Variants in GALNT14 observed in about 807,000 individuals in gnomAD.
GALNT14 encodes UDP-GalNAc:polypeptide N-acetylgalactosaminyltransferase 14.
In GALNT14, 60 loss-of-function variants were observed where a neutral mutation model predicts 77.5. The observed-to-expected ratio is 0.77, with a 90% CI of 0.63 to 0.96. The LOEUF is 0.96. Ranked by LOEUF, GALNT14 falls within the 40% of genes least tolerant of loss-of-function variation. The probability of loss-of-function intolerance (pLI) is 0.00; values close to 1 mark genes in which losing one functional copy is unlikely to be tolerated. For missense variants in GALNT14, 710 were observed against 731.0 expected (o/e 0.97, Z 0.33); for synonymous variants, 280 against 281.7 (o/e 0.99, Z 0.06).
chr2:30,916,254 T>C (rs1031213959), intron 13 of GALNT14, among the ~76,000 whole-genome samples: 4 of 152,268 alleles, frequency 2.6e-5, no homozygotes, highest in African/African-American at 9.6e-5. Context: ...ATATAAGCTC[T>C]GAAAAACTTT....
intron 2 of GALNT14, among the ~76,000 whole-genome samples, chr2:30,967,241 G>T (rs1668066724): frequency 6.6e-6 from 1 of 152,166 alleles, no homozygotes; most frequent in African/African-American, 2.4e-5. Context: ...TGAGCCCTCT[G>T]AAATTGTTTG....
At chr2:31,100,349 A>T (rs1677205019) in intron 1 of GALNT14, among the ~76,000 whole-genome samples, 1 of 152,092 alleles carries the variant, frequency 6.6e-6, no homozygotes, top group African/African-American at 2.4e-5. Context: ...AATGTTGAGG[A>T]CTTACTGTAT....
intron 1 of GALNT14, chr2:31,079,012 T>G: frequency 4.7e-6 from 6 of 1,287,838 alleles, no homozygotes; most frequent in Non-Finnish European, 6.1e-6. Flanking sequence ...CTGCTGAAAT[T>G]GCATTCAGAA....
chr2:31,080,717 G>T lies in GALNT14; in HGVS notation c.129+57241C>A, dbSNP rs1028093653. 2.0e-5 allele frequency among the ~76,000 whole-genome samples: 3 copies of T among 152,286 alleles called. No individual in the cohort carries two copies. In the East Asian group the frequency reaches 5.8e-4, roughly 29 times the overall value. ...AGTCACTTCATTTTTACATGAAAGGGTTAGTTTGAGGATGGAACTTGGAAA... is the reference window on the plus strand; with the variant it reads ...AGTCACTTCATTTTTACATGAAAGGTTTAGTTTGAGGATGGAACTTGGAAA... On this transcript the variant is annotated intron_variant, in intron 1 of 14. Transcript: ENST00000349752.
At chr2:31,103,336 T>C (rs1054617453) in intron 1 of GALNT14, among the ~76,000 whole-genome samples, 3 of 151,964 alleles carry the variant, frequency 2.0e-5, no homozygotes, top group Non-Finnish European at 2.9e-5. Flanking sequence ...CAAGCAAAGA[T>C]AAAGTTGGTG....
chr2:31,010,200 C>G (rs1324358956), intron 1 of GALNT14, among the ~76,000 whole-genome samples: 1 of 152,182 alleles, frequency 6.6e-6, no homozygotes, highest in Non-Finnish European at 1.5e-5. Context: ...GTTGGTCAGC[C>G]TGGTCTCAAA....
At chr2:31,107,055 C>T (rs1677594490) in intron 1 of GALNT14, among the ~76,000 whole-genome samples, 1 of 152,170 alleles carries the variant, frequency 6.6e-6, no homozygotes, top group Non-Finnish European at 1.5e-5. Flanking sequence ...TATTTGTGTG[C>T]TTTCCTGTAT....
At position 30,955,896 on chromosome 2, in the gene GALNT14, A is replaced by G; in HGVS notation, c.532+16T>C. On this transcript the variant is annotated intron_variant, in intron 5 of 14. Coordinates refer to ENST00000349752, the MANE Select transcript of GALNT14 (RefSeq NM_024572.4). ...ACACTCACACTGGAGGCTCCCGCACAACAGCTCAGACCTACCTTGCCGTTC... is the reference window on the plus strand; with the variant it reads ...ACACTCACACTGGAGGCTCCCGCACGACAGCTCAGACCTACCTTGCCGTTC... 6.2e-7 allele frequency: 1 copy of G among 1,613,704 alleles called. No homozygotes were observed.
intron 1 of GALNT14, among the ~76,000 whole-genome samples, chr2:31,001,690 A>G (rs1670378112): frequency 6.6e-6 from 1 of 152,180 alleles, no homozygotes; most frequent in East Asian, 1.9e-4. Flanking sequence ...CTACAATGTA[A>G]GAATCAGTGG....
chr2:31,116,888 A>G (rs1279946988), intron 1 of GALNT14, among the ~76,000 whole-genome samples: 1 of 152,090 alleles, frequency 6.6e-6, no homozygotes, highest in Non-Finnish European at 1.5e-5. Flanking sequence ...AAAATACAAA[A>G]TTAGCCAGGT....
chr2:30,986,823 T>A (rs1669327888), intron 2 of GALNT14: 1 of 152,184 alleles, frequency 6.6e-6, no homozygotes, highest in Non-Finnish European at 1.5e-5. Context: ...CTCACAGGAC[T>A]TAAGCAGTGA....
chr2:30,925,561 G>A (rs1415339138), intron 11 of GALNT14, among the ~76,000 whole-genome samples: 1 of 152,192 alleles, frequency 6.6e-6, no homozygotes, highest in East Asian at 1.9e-4. Context: ...TAGAGGCAGT[G>A]GGGAGAGCAA....
intron 1 of GALNT14, among the ~76,000 whole-genome samples, chr2:31,027,135 T>C (rs1672109369): frequency 6.6e-6 from 1 of 152,180 alleles, no homozygotes; most frequent in African/African-American, 2.4e-5. Flanking sequence ...TGCATGAGTG[T>C]TAAAAACAGG....
intron 1 of GALNT14, among the ~76,000 whole-genome samples, chr2:31,022,404 T>C (rs1488329174): frequency 1.3e-5 from 2 of 152,200 alleles, no homozygotes; most frequent in African/African-American, 4.8e-5. Context: ...GGGCTGAGTA[T>C]TATGGACCTT....
chr2:31,076,048 T>C (rs1183549433), intron 1 of GALNT14, among the ~76,000 whole-genome samples: 1 of 152,194 alleles, frequency 6.6e-6, no homozygotes, highest in Non-Finnish European at 1.5e-5. Context: ...GAAGCTGTCT[T>C]AACTCGAGCA....
At chr2:30,959,885 G>A (rs955776343) in intron 3 of GALNT14, among the ~76,000 whole-genome samples, 1 of 152,196 alleles carries the variant, frequency 6.6e-6, no homozygotes, top group Non-Finnish European at 1.5e-5. Context: ...GCTATCACGG[G>A]ATTCCCTGTG....
At chr2:31,021,642 G>A (rs1671726367) in intron 1 of GALNT14, among the ~76,000 whole-genome samples, 1 of 152,160 alleles carries the variant, frequency 6.6e-6, no homozygotes, top group South Asian at 2.1e-4. Context: ...TGGAAACATA[G>A]CCAAGCCCAT....
At chr2:31,085,960 C>A (rs751850711) in intron 1 of GALNT14, among the ~76,000 whole-genome samples, 1 of 152,214 alleles carries the variant, frequency 6.6e-6, no homozygotes, top group Non-Finnish European at 1.5e-5. Context: ...GGGGAACTAA[C>A]TGCCCCTTAT....
At chr2:31,071,782 G>C (rs1209509486) in intron 1 of GALNT14, among the ~76,000 whole-genome samples, 2 of 152,206 alleles carry the variant, frequency 1.3e-5, no homozygotes, top group Non-Finnish European at 2.9e-5. Flanking sequence ...CTGGGCTCTG[G>C]GGCAGGACGG....
Sources: gnomAD v4.1 joint callset for allele counts (sites outside exome capture counted in the v4.1 genomes callset) on GRCh38, gnomAD v4.1.1 for gene constraint, MANE v1.5 for transcripts, NCBI Gene and HGNC (gene_info 2026-07-23, HGNC 2026-07-21) for gene names.